NCAM2: variants seen among roughly 807,000 people sequenced by gnomAD.
NCAM2 encodes the protein neural cell adhesion molecule 2, also known as N-CAM-2.
In NCAM2, 30 loss-of-function variants were observed where a neutral mutation model predicts 98.1. The observed-to-expected ratio is 0.31, with a 90% CI of 0.23 to 0.41. The LOEUF (loss-of-function observed/expected upper bound fraction) is 0.41. Ranked by LOEUF, NCAM2 falls within the 10% of genes least tolerant of loss-of-function variation. NCAM2 has a pLI of 1.00. For missense variants in NCAM2, 867 were observed against 1,005.8 expected (o/e 0.86, Z 1.87); for synonymous variants, 368 against 342.4 (o/e 1.07, Z -0.83).
At chr21:21,284,143 A>G (rs1343567781) in intron 2 of NCAM2, 51 bp from the exon 3 acceptor site, 6 of 1,437,188 alleles carry the variant, frequency 4.2e-6, no homozygotes, top group African/African-American at 2.8e-5. Flanking sequence ...CAATGTTCAA[A>G]CAAATATTTT....
At chr21:21,068,141 T>C (rs957740248) in intron 1 of NCAM2, among the ~76,000 whole-genome samples, 5 of 144,110 alleles carry the variant, frequency 3.5e-5, no homozygotes, top group African/African-American at 7.8e-5. Context: ...TTTTCTTTTT[T>C]TTTTTTTTTT....
chr21:21,513,412 A>C (rs995613909), intron 16 of NCAM2, among the ~76,000 whole-genome samples: 1 of 152,052 alleles, frequency 6.6e-6, no homozygotes, highest in African/African-American at 2.4e-5. Context: ...CATTTGTTTC[A>C]ATAAATTTTT....
chr21:21,214,746 T>TATATATATACACAC (rs11268201), intron 1 of NCAM2, among the ~76,000 whole-genome samples: 30 of 100,602 alleles, frequency 3.0e-4, no homozygotes, highest in Admixed American at 4.6e-4. Flanking sequence ...TATATATATA[T>TATATATATACACAC]ACACTATATA....
intron 8 of NCAM2, among the ~76,000 whole-genome samples, chr21:21,359,122 T>G (rs2075575110): frequency 6.6e-6 from 1 of 152,016 alleles, no homozygotes; most frequent in Admixed American, 6.6e-5. Flanking sequence ...CTTTTTTCTT[T>G]TTTCAACAGA....
chr21:21,433,531 A>C (rs2077389072), intron 12 of NCAM2, among the ~76,000 whole-genome samples: 1 of 151,720 alleles, frequency 6.6e-6, no homozygotes, highest in South Asian at 2.1e-4. Context: ...TGAGGTCAGG[A>C]GACCGAGACC....
chr21:21,303,310 A>G (rs764815233), intron 5 of NCAM2, among the ~76,000 whole-genome samples: 9 of 152,140 alleles, frequency 5.9e-5, no homozygotes, highest in Non-Finnish European at 1.2e-4. Flanking sequence ...GATAGTGACT[A>G]TAGTGAATGT....
chr21:21,042,227 C>T lies in NCAM2; in HGVS notation c.55+43609C>T, dbSNP rs1279069593. On this transcript the variant is annotated intron_variant, in intron 1 of 17. Coordinates refer to ENST00000400546, the MANE Select transcript of NCAM2 (RefSeq NM_004540.5). ...TTTCTTTCTTTTGCTCATTTTTGCC[C>T]AAGCTGGAGTGCAATGGCACTGTCT... Among the ~76,000 whole-genome samples the T allele has an allele frequency of 2.6e-5, 4 of 152,066 alleles. No homozygotes were observed. The East Asian group carries it at 7.7e-4, about 29-fold the overall frequency.
intron 1 of NCAM2, among the ~76,000 whole-genome samples, chr21:21,136,636 T>TTG (rs200911820): frequency 4.7e-5 from 6 of 128,730 alleles, no homozygotes; most frequent in East Asian, 2.4e-4. Context: ...TTTTGTTTTT[T>TTG]TTTTTATTTT....
At chr21:21,185,349 A>AG (rs1191575780) in intron 1 of NCAM2, among the ~76,000 whole-genome samples, 1 of 152,132 alleles carries the variant, frequency 6.6e-6, no homozygotes, top group Non-Finnish European at 1.5e-5. Context: ...TTCAAACTTA[A>AG]GGCACGTGGT....
chr21:21,218,631 G>A (rs1231314724), intron 1 of NCAM2, among the ~76,000 whole-genome samples: 3 of 152,170 alleles, frequency 2.0e-5, no homozygotes, highest in Non-Finnish European at 4.4e-5. Context: ...GAAAGGCAGA[G>A]ATTTGCAACT....
chr21:21,007,816 C>T lies in NCAM2; in HGVS notation c.55+9198C>T, dbSNP rs143622357. On this transcript the variant is annotated intron_variant, in intron 1 of 17. Coordinates refer to ENST00000400546, the MANE Select transcript of NCAM2 (RefSeq NM_004540.5). ...CCTGTATCTCGTGCCAACCTCCTATCTCATCCTGTGACTTAGAATGCCTAA... is the reference window on the plus strand; with the variant it reads ...CCTGTATCTCGTGCCAACCTCCTATTTCATCCTGTGACTTAGAATGCCTAA... Among the ~76,000 whole-genome samples, 135 of 152,266 alleles carry T rather than the reference C, an allele frequency of 8.9e-4. 3 individuals carry two copies. In the East Asian group the frequency reaches 0.023, roughly 26 times the overall value.
intron 1 of NCAM2, among the ~76,000 whole-genome samples, chr21:21,210,871 G>C (rs1228105926): frequency 6.6e-6 from 1 of 151,522 alleles, no homozygotes; most frequent in Non-Finnish European, 1.5e-5. Flanking sequence ...AGGAGGGGGA[G>C]AGTTGGGAGG....
intron 1 of NCAM2, among the ~76,000 whole-genome samples, chr21:21,033,721 A>G (rs1481010025): frequency 1.3e-5 from 2 of 152,142 alleles, no homozygotes; most frequent in Non-Finnish European, 2.9e-5. Context: ...CTCAGAAAGA[A>G]TAGATGGTAG....
At chr21:21,522,467 C>G (rs1230434493) in intron 16 of NCAM2, among the ~76,000 whole-genome samples, 1 of 151,136 alleles carries the variant, frequency 6.6e-6, no homozygotes, top group Non-Finnish European at 1.5e-5. Context: ...AGAGAGAAAA[C>G]CCCGCTAGTA....
At chr21:21,190,439 T>C (rs1218903863) in intron 1 of NCAM2, among the ~76,000 whole-genome samples, 2 of 152,164 alleles carry the variant, frequency 1.3e-5, no homozygotes, top group African/African-American at 4.8e-5. Flanking sequence ...GAGAAGAAAT[T>C]TCATCACTAA....
chr21:21,207,246 G>T (rs755770535), intron 1 of NCAM2, among the ~76,000 whole-genome samples: 3 of 152,084 alleles, frequency 2.0e-5, no homozygotes, highest in African/African-American at 7.2e-5. Flanking sequence ...AAGCTTTAGC[G>T]TTCTCGAGCT....
chr21:21,045,400 T>C (rs2064988747), intron 1 of NCAM2, among the ~76,000 whole-genome samples: 1 of 152,196 alleles, frequency 6.6e-6, no homozygotes, highest in Non-Finnish European at 1.5e-5. Context: ...TTCCAGCACT[T>C]TGGGAGGCCA....
chr21:21,504,870 T>C (rs1282646478), intron 15 of NCAM2, among the ~76,000 whole-genome samples: 1 of 151,872 alleles, frequency 6.6e-6, no homozygotes, highest in Non-Finnish European at 1.5e-5. Context: ...GCATACAATG[T>C]GTAATAATCA....
At chr21:21,453,006 AATAT>A (rs1370138433) in intron 12 of NCAM2, among the ~76,000 whole-genome samples, 428 of 103,140 alleles carry the variant, frequency 4.1e-3, no homozygotes, top group Admixed American at 6.2e-3. Flanking sequence ...TATAATATAT[AATAT>A]ATAAAAATAT....
Sources: allele counts gnomAD v4.1 joint callset (sites outside exome capture counted in the v4.1 genomes callset), GRCh38; gene constraint gnomAD v4.1.1; transcripts MANE v1.5; gene names NCBI Gene and HGNC (gene_info 2026-07-23, HGNC 2026-07-21).